The following LRRC20 variants were observed in gnomAD, a reference collection of about 807,000 sequenced individuals.
LRRC20 encodes leucine rich repeat containing 20.
LRRC20 carries 11 observed loss-of-function variants against 14.4 expected under a neutral mutation model. That is an observed-to-expected ratio of 0.77 (90% CI 0.48 to 1.27). The LOEUF is 1.27. Ranked by LOEUF, LRRC20 falls within the 50% of genes most tolerant of loss-of-function variation. The probability of loss-of-function intolerance (pLI) is 0.00; values close to 1 mark genes in which losing one functional copy is unlikely to be tolerated. For synonymous variants in LRRC20, 121 were observed against 107.3 expected, an observed-to-expected ratio of 1.13 and a Z score of -0.79; for missense variants, 219 against 251.2, an observed-to-expected ratio of 0.87 and a Z score of 0.87.
chr10:70,354,456 C>T (rs989721005), intron 2 of LRRC20, among the ~76,000 whole-genome samples: 12 of 152,272 alleles, frequency 7.9e-5, no homozygotes, highest in Non-Finnish European at 1.3e-4. Flanking sequence ...TCAGCATCAC[C>T]CACAGCATTA....
intron 2 of LRRC20, among the ~76,000 whole-genome samples, chr10:70,372,656 A>G (rs372252641): frequency 6.6e-6 from 1 of 151,752 alleles, no homozygotes; most frequent in Non-Finnish European, 1.5e-5. Context: ...GTTAGCCAGG[A>G]TGGTTTCGAT....
intron 4 of LRRC20, among the ~76,000 whole-genome samples, chr10:70,322,742 G>A (rs931756887): frequency 6.6e-6 from 1 of 152,060 alleles, no homozygotes; most frequent in Non-Finnish European, 1.5e-5. Flanking sequence ...CTGGCACCGC[G>A]GCAGTCTCAC....
At chr10:70,301,775 A>C (rs1404811301) in intron 4 of LRRC20, among the ~76,000 whole-genome samples, 2 of 152,232 alleles carry the variant, frequency 1.3e-5, no homozygotes, top group African/African-American at 4.8e-5. Flanking sequence ...ACAACCCAGC[A>C]ATTTTACTCC....
chr10:70,315,930 C>T (rs1381043010), intron 4 of LRRC20, among the ~76,000 whole-genome samples: 3 of 152,080 alleles, frequency 2.0e-5, no homozygotes, highest in Non-Finnish European at 4.4e-5. Context: ...GGCAACAAAC[C>T]CATTATGGTT....
intron 3 of LRRC20, among the ~76,000 whole-genome samples, chr10:70,330,986 C>G (rs1842515235): frequency 1.3e-5 from 2 of 152,222 alleles, no homozygotes; most frequent in Admixed American, 1.3e-4. Context: ...AGGTCTCGCC[C>G]TACATCTTCC....
At chr10:70,335,456 A>G (rs1842699151) in intron 3 of LRRC20, among the ~76,000 whole-genome samples, 1 of 152,198 alleles carries the variant, frequency 6.6e-6, no homozygotes, top group Non-Finnish European at 1.5e-5. Flanking sequence ...CAGCAGCCCC[A>G]GCAGCCAGCT....
intron 3 of LRRC20, among the ~76,000 whole-genome samples, chr10:70,335,670 A>G (rs1322785311): frequency 2.0e-5 from 3 of 152,116 alleles, no homozygotes; most frequent in African/African-American, 7.2e-5. Flanking sequence ...AACCTCCCAG[A>G]ACTCTTCCCA....
At chr10:70,337,145 G>T (rs982051406) in intron 3 of LRRC20, among the ~76,000 whole-genome samples, 1 of 152,218 alleles carries the variant, frequency 6.6e-6, no homozygotes, top group African/African-American at 2.4e-5. Context: ...GGAGGAAGCA[G>T]CTTGTTCTCT....
In LRRC20 at chr10:70,301,253, G is replaced by A. The variant is rs899416592; in HGVS notation, c.*101C>T. 2.4e-5 allele frequency: 28 copies of A among 1,150,150 alleles called. No individual in the cohort carries two copies. The highest frequency in any genetic ancestry group is 5.1e-5 in the African/African-American group (3 of 58,856). 71.2% of individuals were successfully genotyped at this position (1,150,150 alleles called of 1,614,324 possible). ...CCACCACGTGCTGCTCGGCCCACCC[G>A]CCCCCAGCCCCCAGGCTTGGCCTCC... is the stretch of plus-strand genomic sequence containing the variant. On this transcript the variant is annotated 3_prime_UTR_variant, in exon 5 of 5. Transcript: ENST00000446961.
chr10:70,338,119 T>C (rs939548340), intron 3 of LRRC20, among the ~76,000 whole-genome samples: 6 of 152,228 alleles, frequency 3.9e-5, no homozygotes, highest in Admixed American at 1.3e-4. Flanking sequence ...CTCCAAGTCA[T>C]AGGGATTTTA....
In LRRC20 at chr10:70,376,365, C is replaced by T. The variant is rs1050520916; in HGVS notation, c.82+87G>A. 26 of 1,346,976 alleles carry T rather than the reference C, an allele frequency of 1.9e-5. No homozygotes were observed. In the Admixed American group the frequency reaches 2.3e-4, roughly 12 times the overall value. The allele number at this position is 1,346,976 out of a possible 1,614,324, so 83.4% of individuals were successfully genotyped here. A position where few individuals can be genotyped will look rare whatever the true frequency, so the allele number is the denominator to read the frequency against. ...TTCTCAGGATGAGGTTGCACACTGA[C>T]GCTTGTGTCTTTCATCTCTGTTTCA... On this transcript the variant is annotated intron_variant, in intron 2 of 4. Coordinates refer to ENST00000446961, the MANE Select transcript of LRRC20 (RefSeq NM_001278212.2).
intron 1 of LRRC20, among the ~76,000 whole-genome samples, chr10:70,379,926 C>A (rs1204164714): frequency 6.6e-6 from 1 of 152,188 alleles, no homozygotes; most frequent in Admixed American, 6.5e-5. Context: ...CTAGATCCAT[C>A]GCATTCGCAG....
intron 1 of LRRC20, among the ~76,000 whole-genome samples, chr10:70,378,878 G>A (rs190233042): frequency 1.2e-3 from 185 of 150,452 alleles, no homozygotes; most frequent in Admixed American, 3.3e-3. Flanking sequence ...CCCAGGAGGC[G>A]GAGGTTGCAG....
intron 3 of LRRC20, 76 bp from the exon 4 acceptor site, chr10:70,324,106 G>T: frequency 7.1e-7 from 1 of 1,408,224 alleles, no homozygotes; most frequent in Non-Finnish European, 9.9e-7. Flanking sequence ...GCCCGCTGTG[G>T]CTCTCACCCT....
chr10:70,321,480 A>C (rs1194989803), intron 4 of LRRC20, among the ~76,000 whole-genome samples: 2 of 152,240 alleles, frequency 1.3e-5, no homozygotes, highest in East Asian at 1.9e-4. Context: ...ATAGAAGCAG[A>C]GAGACTCCAG....
chr10:70,373,531 T>C (rs982707424), intron 2 of LRRC20, among the ~76,000 whole-genome samples: 1 of 152,186 alleles, frequency 6.6e-6, no homozygotes, highest in African/African-American at 2.4e-5. Flanking sequence ...CTCCATTTCC[T>C]AAGGGTCAGG....
intron 2 of LRRC20, among the ~76,000 whole-genome samples, chr10:70,345,950 C>T (rs1169977062): frequency 6.6e-6 from 1 of 152,106 alleles, no homozygotes; most frequent in African/African-American, 2.4e-5. Flanking sequence ...GGCAACACAG[C>T]AAGACCCGTC....
intron 4 of LRRC20, among the ~76,000 whole-genome samples, chr10:70,318,204 T>C (rs1364853489): frequency 6.6e-6 from 1 of 152,136 alleles, no homozygotes; most frequent in African/African-American, 2.4e-5. Context: ...TCAGCATGAA[T>C]GTGAATCAGA....
intron 3 of LRRC20, among the ~76,000 whole-genome samples, chr10:70,335,469 G>C (rs1239466960): frequency 1.3e-5 from 2 of 152,204 alleles, no homozygotes; most frequent in Non-Finnish European, 2.9e-5. Flanking sequence ...AGCCAGCTCC[G>C]GCTGCCCTGG....
Sources: allele counts gnomAD v4.1 joint callset (sites outside exome capture counted in the v4.1 genomes callset), GRCh38; gene constraint gnomAD v4.1.1; transcripts MANE v1.5; gene names NCBI Gene and HGNC (gene_info 2026-07-23, HGNC 2026-07-21).